The following THSD4 variants were observed in gnomAD, a reference collection of about 807,000 sequenced individuals.
THSD4 encodes the protein thrombospondin type 1 domain containing 4, also known as thrombospondin type-1 domain-containing protein 4.
Under a neutral mutation model 119.0 loss-of-function variants are expected in THSD4, and 69 were observed. The observed-to-expected ratio is 0.58, with a 90% confidence interval of 0.48 to 0.71. The LOEUF is 0.71. THSD4 is among the 30% of genes least tolerant of loss of function. The pLI is 0.00. For synonymous variants in THSD4, 524 were observed against 540.4 expected (o/e 0.97, Z 0.42); for missense variants, 1,393 against 1,391.1 (o/e 1.00, Z -0.02).
At chr15:71,199,460 GGTGTGTGTGTGT>G (rs2043749331) in intron 3 of THSD4, among the ~76,000 whole-genome samples, 8 of 138,192 alleles carry the variant, frequency 5.8e-5, no homozygotes, top group African/African-American at 1.7e-4. Context: ...TGTGGGGGGG[GGTGTGTGTGTGT>G]GGTGTGTGTG....
chr15:71,412,284 A>C (rs925017256), intron 7 of THSD4, among the ~76,000 whole-genome samples: 2 of 152,182 alleles, frequency 1.3e-5, no homozygotes, highest in Non-Finnish European at 1.5e-5. Flanking sequence ...CTTTTATAGC[A>C]GAAGTTGTAC....
At chr15:71,603,365 G>A (rs926770083) in intron 7 of THSD4, among the ~76,000 whole-genome samples, 2 of 152,196 alleles carry the variant, frequency 1.3e-5, no homozygotes, top group South Asian at 2.1e-4. Flanking sequence ...AAGAAGCCAG[G>A]CTCCTTTCCC....
intron 3 of THSD4, among the ~76,000 whole-genome samples, chr15:71,156,310 T>A (rs2141385005): frequency 6.7e-6 from 1 of 150,324 alleles, no homozygotes; most frequent in African/African-American, 2.4e-5. Flanking sequence ...CAGGCTGGAG[T>A]GCAATGGCAC....
chr15:71,312,733 G>C (rs76524190), intron 6 of THSD4, among the ~76,000 whole-genome samples: 1 of 151,842 alleles, frequency 6.6e-6, no homozygotes, highest in Non-Finnish European at 1.5e-5. Flanking sequence ...AGCACGACTC[G>C]GGCTCCCACT....
chr15:71,494,301 A>G (rs1015567827), intron 7 of THSD4, among the ~76,000 whole-genome samples: 1 of 152,148 alleles, frequency 6.6e-6, no homozygotes, highest in Non-Finnish European at 1.5e-5. Context: ...AAAAGGACGG[A>G]GCTCATCTCT....
At chr15:71,478,755 ACT>A (rs1350593087) in intron 7 of THSD4, among the ~76,000 whole-genome samples, 1 of 152,126 alleles carries the variant, frequency 6.6e-6, no homozygotes, top group Non-Finnish European at 1.5e-5. Flanking sequence ...TAAAGGGAAG[ACT>A]CTGGCAACCA....
chr15:71,466,199 A>G (rs1249709642), intron 7 of THSD4, among the ~76,000 whole-genome samples: 2 of 151,906 alleles, frequency 1.3e-5, no homozygotes, highest in African/African-American at 4.8e-5. Flanking sequence ...AATACAAAAA[A>G]AAATTAGCTG....
chr15:71,166,957 G>C (rs2043300178), intron 3 of THSD4: 1 of 152,128 alleles, frequency 6.6e-6, no homozygotes. Flanking sequence ...ACTTTATATA[G>C]AGAACATATA....
chr15:71,668,106 T>C (rs1383438129), intron 8 of THSD4, among the ~76,000 whole-genome samples: 1 of 152,214 alleles, frequency 6.6e-6, no homozygotes, highest in African/African-American at 2.4e-5. Context: ...ACTTCCCTAC[T>C]GAGGGATGTT....
At chr15:71,551,342 G>A (rs1454454844) in intron 7 of THSD4, among the ~76,000 whole-genome samples, 1 of 152,154 alleles carries the variant, frequency 6.6e-6, no homozygotes, top group African/African-American at 2.4e-5. Context: ...AAGGGGCACA[G>A]AATACAAACA....
intron 7 of THSD4, among the ~76,000 whole-genome samples, chr15:71,649,905 G>C (rs1321203740): frequency 6.6e-6 from 1 of 152,280 alleles, no homozygotes; most frequent in East Asian, 1.9e-4. Context: ...ACCATTTCCT[G>C]GTGAAAACAG....
Position 71,416,949 on chromosome 15 carries a change from C to T in THSD4, c.1152+5126C>T, listed in dbSNP as rs1297289466. 9.6e-5 allele frequency among the ~76,000 whole-genome samples: 10 copies of T among 104,530 alleles called. 5 individuals carry two copies. Among genetic ancestry groups the T allele is most frequent in the Non-Finnish European group, 2.1e-4 (10 of 48,232 alleles). 68.6% of individuals were successfully genotyped at this position (104,530 alleles called of 152,430 possible). The stretch of plus-strand genomic sequence containing the variant: ...AATTTTTTTGTATTTTTAATAGAGT[C>T]GGGGTTTCACCATGTTAGCCAGGAT... On this transcript the variant is annotated intron_variant, in intron 7 of 17. Transcript: ENST00000261862.
chr15:71,596,417 T>C lies in THSD4; in HGVS notation c.1153-64113T>C, dbSNP rs2049908624. Among the ~76,000 whole-genome samples the C allele has an allele frequency of 2.6e-5, 4 of 152,240 alleles. No individual in the cohort carries two copies. In the South Asian group the frequency reaches 8.3e-4, roughly 32 times the overall value. On this transcript the variant is annotated intron_variant, in intron 7 of 17. Transcript: ENST00000261862. ...ACATTCCAGAAGTGGCCATCTGTTT[T>C]TCTGATGCACTAAATGCATCAGTGC...
intron 6 of THSD4, among the ~76,000 whole-genome samples, chr15:71,387,059 C>A (rs530238207): frequency 1.3e-5 from 2 of 152,244 alleles, no homozygotes; most frequent in African/African-American, 4.8e-5. Flanking sequence ...GATTCCTTTG[C>A]AGCCTATGGG....
intron 3 of THSD4, among the ~76,000 whole-genome samples, chr15:71,180,268 C>G (rs181800141): frequency 2.9e-3 from 437 of 151,480 alleles, no homozygotes; most frequent in African/African-American, 0.01. Context: ...GATTGATATC[C>G]AGAGTATATA....
chr15:71,442,660 G>GTGTGTATATATA, intron 7 of THSD4, among the ~76,000 whole-genome samples: 3 of 25,828 alleles, frequency 1.2e-4, no homozygotes, highest in Admixed American at 5.1e-4. Flanking sequence ...GTGTGTGTGT[G>GTGTGTATATATA]TATATATATA....
chr15:71,118,678 G>C (rs570017122), intron 1 of THSD4, among the ~76,000 whole-genome samples: 1 of 152,148 alleles, frequency 6.6e-6, no homozygotes, highest in African/African-American at 2.4e-5. Context: ...TTTTCTTTGC[G>C]TGTGTATGCA....
At chr15:71,332,252 G>C (rs906656585) in intron 6 of THSD4, among the ~76,000 whole-genome samples, 3 of 152,238 alleles carry the variant, frequency 2.0e-5, no homozygotes, top group Admixed American at 6.5e-5. Context: ...GAGCACAGCA[G>C]CTGGAGCCGT....
intron 7 of THSD4, among the ~76,000 whole-genome samples, chr15:71,544,336 A>T (rs1160569483): frequency 6.6e-6 from 1 of 152,230 alleles, no homozygotes; most frequent in African/African-American, 2.4e-5. Context: ...AAAAGTTTTT[A>T]AAATAATTTT....
Sources: allele counts gnomAD v4.1 joint callset (sites outside exome capture counted in the v4.1 genomes callset), GRCh38; gene constraint gnomAD v4.1.1; transcripts MANE v1.5; gene names NCBI Gene and HGNC (gene_info 2026-07-23, HGNC 2026-07-21).